SF3B3: variants seen among roughly 807,000 people sequenced by gnomAD.
The protein encoded by SF3B3 is splicing factor 3b subunit 3, also known as SAP 130.
A neutral mutation model predicts 139.2 loss-of-function variants in SF3B3; 33 were observed. The ratio of observed to expected loss-of-function variants is 0.24; its 90% CI spans 0.18 to 0.32. The LOEUF (loss-of-function observed/expected upper bound fraction) is 0.32. Among genes scored for constraint, SF3B3 ranks in the 10% least tolerant of loss-of-function variants. The pLI is 1.00. For missense variants in SF3B3, 818 were observed against 1,509.4 expected (o/e 0.54, Z 7.59); for synonymous variants, 596 against 563.6 (o/e 1.06, Z -0.81).
Position 70,572,224 on chromosome 16 carries a change from G to T in SF3B3, c.*411G>T, listed in dbSNP as rs2050536372. ...AGGAGGCAGGCTGTGGTGGGACTGG[G>T]TAGGGTATAGTATCACTCCTGAGTT... On this transcript the variant is annotated 3_prime_UTR_variant, in exon 26 of 26. Coordinates refer to ENST00000302516, the MANE Select transcript of SF3B3 (RefSeq NM_012426.5). The T allele has an allele frequency of 2.3e-6, 1 of 435,458 alleles. No individual in the cohort carries two copies. Among genetic ancestry groups the T allele is most frequent in the Admixed American group, 2.5e-5 (1 of 39,922 alleles). The allele number at this position is 435,458 out of a possible 1,614,324, so 27.0% of individuals were successfully genotyped here.
chr16:70,535,807 AAACAATG>A (rs1458075805), intron 6 of SF3B3, among the ~76,000 whole-genome samples: 1 of 152,184 alleles, frequency 6.6e-6, no homozygotes, highest in East Asian at 1.9e-4. Flanking sequence ...GAAAGTTTAA[AAACAATG>A]AACAATGAAT....
intron 2 of SF3B3, among the ~76,000 whole-genome samples, chr16:70,527,170 G>A (rs2050072312): frequency 6.6e-6 from 1 of 152,130 alleles, no homozygotes; most frequent in African/African-American, 2.4e-5. Flanking sequence ...GAGAGAAAAG[G>A]GAAAATGCAG....
chr16:70,527,366 C>A (rs970944224), intron 2 of SF3B3, among the ~76,000 whole-genome samples: 3 of 152,074 alleles, frequency 2.0e-5, no homozygotes, highest in Non-Finnish European at 4.4e-5. Flanking sequence ...CTTTTTCTTG[C>A]CATTTGCAGA....
chr16:70,564,001 A>C lies in SF3B3; in HGVS notation c.2414A>C (p.Asn805Thr), dbSNP rs766137652. The C allele has an allele frequency of 6.2e-7, 1 of 1,614,150 alleles. No individual in the cohort carries two copies. Among genetic ancestry groups the C allele is most frequent in the Non-Finnish European group, 8.5e-7 (1 of 1,180,022 alleles). Residue 805 changes from asparagine (N) to threonine (T), a missense_variant, in exon 18 of 26, where the codon AAT becomes ACT. Coordinates refer to ENST00000302516, the MANE Select transcript of SF3B3 (RefSeq NM_012426.5). Reference sequence around the variant, plus strand: ...CTTATTATCATTGAAACGGACCACAATGCCTACACTGAGGCCACGAAAGCT... The same window carrying C: ...CTTATTATCATTGAAACGGACCACACTGCCTACACTGAGGCCACGAAAGCT... ...NNLIIIETDH[N>T]AYTEATKAQR...
rs746953869 is a variant in SF3B3, at chr16:70,565,541, G to T, written c.2826+17G>T. On this transcript the variant is annotated intron_variant, in intron 20 of 25. Coordinates refer to ENST00000302516, the MANE Select transcript of SF3B3 (RefSeq NM_012426.5). ...TTGCACAAGGTAGGAATCTGCCAGT[G>T]GTTCTCCTAGATTTTAAGTCCCATT... 1.9e-6 allele frequency: 3 copies of T among 1,603,548 alleles called. No individual in the cohort carries two copies. The highest frequency in any genetic ancestry group is 2.7e-5 in the African/African-American group (2 of 74,566).
chr16:70,526,506 T>G (rs1014886214), intron 1 of SF3B3, 81 bp from the exon 2 acceptor site: 7 of 608,654 alleles, frequency 1.2e-5, no homozygotes, highest in Admixed American at 3.2e-5. Context: ...GGTTCTGCTG[T>G]CTTCATCCAG....
intron 25 of SF3B3, among the ~76,000 whole-genome samples, chr16:70,571,435 G>T (rs1181199801): frequency 6.6e-6 from 1 of 152,114 alleles, no homozygotes; most frequent in Non-Finnish European, 1.5e-5. Flanking sequence ...AAGTTTTCCC[G>T]GTCTGGGCGT....
chr16:70,567,750 A>G (rs901514845), intron 21 of SF3B3, among the ~76,000 whole-genome samples: 2 of 152,262 alleles, frequency 1.3e-5, no homozygotes, highest in African/African-American at 4.8e-5. Flanking sequence ...CAGTGGCGCA[A>G]TCTCGGCTCA....
At position 70,568,267 on chromosome 16, in the gene SF3B3, T is replaced by C. The variant is rs749021768; in HGVS notation, c.2953-16T>C. On this transcript the variant is annotated splice_polypyrimidine_tract_variant and intron_variant, in intron 21 of 25. Transcript: ENST00000302516. ...AAGATTACACCCACCATCACTATTG[T>C]CTTTGTTTTTCCCAGCATATTGCCA... 3.8e-5 allele frequency: 61 copies of C among 1,585,158 alleles called. No homozygotes were observed. The highest frequency in any genetic ancestry group is 4.9e-5 in the Non-Finnish European group (56 of 1,154,060).
intron 24 of SF3B3, among the ~76,000 whole-genome samples, chr16:70,570,391 C>T (rs1016619172): frequency 4.4e-5 from 6 of 137,228 alleles, no homozygotes; most frequent in African/African-American, 1.4e-4. Context: ...AGTGCAGTGG[C>T]GCAATCTCAG....
intron 23 of SF3B3, 121 bp downstream of exon 23, chr16:70,569,262 G>A (rs117132805): frequency 0.023 from 14,696 of 638,994 alleles, 232 homozygotes; most frequent in Non-Finnish European, 0.03. Flanking sequence ...AGTGCTGTCC[G>A]TCCACAGTCC....
rs529234346 is a variant in SF3B3, at chr16:70,562,836, GT to G, written c.2289-1030del. ...TTTATTTAATTATTTTTATTTTTAA[GT>G]TTTTTTTTTGAGACAAGGTCTTACT... On this transcript the variant is annotated intron_variant, in intron 17 of 25. Coordinates refer to ENST00000302516, the MANE Select transcript of SF3B3 (RefSeq NM_012426.5). Among the ~76,000 whole-genome samples the G allele has an allele frequency of 9.4e-5, 14 of 149,144 alleles. No individual in the cohort carries two copies. The South Asian group carries it at 1.5e-3, about 16-fold the overall frequency.
intron 13 of SF3B3, 84 bp downstream of exon 13, chr16:70,555,290 T>C: frequency 7.8e-7 from 1 of 1,282,816 alleles, no homozygotes; most frequent in Non-Finnish European, 1.1e-6. Flanking sequence ...ATTTAGATGA[T>C]AGTATGGTGA....
At position 70,567,441 on chromosome 16, in the gene SF3B3, G is replaced by A. The variant is rs770971766; in HGVS notation, c.2857G>A (p.Ala953Thr). 5 of 1,614,022 alleles carry A rather than the reference G, an allele frequency of 3.1e-6. No homozygotes were observed. Among genetic ancestry groups the A allele is most frequent in the South Asian group, 1.1e-5 (1 of 91,066 alleles). Reference sequence around the variant, plus strand: ...TGTGGAAGAGGTCCCTGCTGCTATTGCCCCATTCCAGGGGAGGGTGTTGAT... The same window carrying A: ...TGTGGAAGAGGTCCCTGCTGCTATTACCCCATTCCAGGGGAGGGTGTTGAT... ...TPVEEVPAAI[A>T]PFQGRVLIGV... Residue 953 changes from alanine (A) to threonine (T), a missense_variant, in exon 21 of 26, where the codon GCC (alanine) becomes ACC (threonine). Around this residue, in one of 14 missense-constraint regions of SF3B3, gnomAD observed 145 missense variants for 153.6 expected, o/e 0.94. Transcript: ENST00000302516.
chr16:70,547,624 C>T (rs1250844827), intron 10 of SF3B3, among the ~76,000 whole-genome samples: 3 of 152,114 alleles, frequency 2.0e-5, no homozygotes, highest in Non-Finnish European at 2.9e-5. Context: ...GACGGAGTCT[C>T]GCTCAGTCAC....
chr16:70,547,725 C>T (rs2050282245), intron 10 of SF3B3, among the ~76,000 whole-genome samples: 2 of 152,220 alleles, frequency 1.3e-5, no homozygotes, highest in African/African-American at 4.8e-5. Context: ...TCCCGAGTAG[C>T]TGGGATTACG....
intron 17 of SF3B3, among the ~76,000 whole-genome samples, chr16:70,562,530 TC>T (rs1243804122): frequency 6.6e-6 from 1 of 152,228 alleles, no homozygotes; most frequent in African/African-American, 2.4e-5. Flanking sequence ...AGAATTGATC[TC>T]CCTGCACTGC....
In SF3B3 at chr16:70,574,139, C is replaced by T. The variant is rs949622120; in HGVS notation, c.*2326C>T. The T allele has an allele frequency of 6.6e-6, 1 of 152,128 alleles. No individual in the cohort carries two copies. Among genetic ancestry groups the T allele is most frequent in the Non-Finnish European group, 1.5e-5 (1 of 68,026 alleles). 9.4% of individuals were successfully genotyped at this position (152,128 alleles called of 1,614,324 possible). A position where few individuals can be genotyped will look rare whatever the true frequency, so the allele number is the denominator to read the frequency against. ...AGAAAGGCATTCAGATGGGATCAGT[C>T]TGGCTTTCAAATTTTTTTTAATTCC... On this transcript the variant is annotated 3_prime_UTR_variant, in exon 26 of 26. Transcript: ENST00000302516.
intron 23 of SF3B3, 130 bp from the exon 24 acceptor site, chr16:70,569,876 G>A (rs1450098207): frequency 6.0e-6 from 6 of 992,560 alleles, no homozygotes; most frequent in Non-Finnish European, 8.9e-6. Flanking sequence ...ATCCTCCCAC[G>A]TTGGCCTCTA....
Sources: gnomAD v4.1 joint callset for allele counts (sites outside exome capture counted in the v4.1 genomes callset) on GRCh38, gnomAD v4.1.1 for gene constraint, gnomAD v4.1.1 regional missense constraint, MANE v1.5 for transcripts, NCBI Gene and HGNC (gene_info 2026-07-23, HGNC 2026-07-21) for gene names.